BBS9: variants seen among roughly 807,000 people sequenced by gnomAD.
The protein encoded by BBS9 is Bardet-Biedl syndrome 9.
A neutral mutation model predicts 117.7 loss-of-function variants in BBS9; 89 were observed. The observed-to-expected ratio is 0.76, with a 90% CI of 0.64 to 0.90. BBS9 has a LOEUF of 0.90. Among genes scored for constraint, BBS9 ranks in the 40% least tolerant of loss-of-function variants. The pLI is 0.00. For missense variants in BBS9, 982 were observed against 1,042.2 expected (o/e 0.94, Z 0.80); for synonymous variants, 379 against 370.9 (o/e 1.02, Z -0.25).
chr7:33,311,360 T>G (rs1348827605), intron 9 of BBS9, among the ~76,000 whole-genome samples: 3 of 152,184 alleles, frequency 2.0e-5, no homozygotes, highest in Non-Finnish European at 4.4e-5. Context: ...ATTTGCATTT[T>G]ATAGAAGGCT....
chr7:33,608,869 C>A (rs1485298268), downstream of BBS9, among the ~76,000 whole-genome samples: 1 of 129,044 alleles, frequency 7.7e-6, no homozygotes, highest in Non-Finnish European at 1.5e-5. Flanking sequence ...TAATTAGGTC[C>A]TACTTATCAA....
At chr7:33,524,440 T>G (rs1274740046) in intron 20 of BBS9, among the ~76,000 whole-genome samples, 4 of 152,158 alleles carry the variant, frequency 2.6e-5, no homozygotes, top group Non-Finnish European at 5.9e-5. Context: ...TGTTATTGGT[T>G]TATTCAGAGA....
chr7:33,402,293 C>T (rs1584672310), intron 19 of BBS9, among the ~76,000 whole-genome samples: 1 of 152,280 alleles, frequency 6.6e-6, no homozygotes, highest in African/African-American at 2.4e-5. Flanking sequence ...AATCTCATCT[C>T]CTATTTCTGC....
chr7:33,316,167 G>C (rs1268925003), intron 9 of BBS9, among the ~76,000 whole-genome samples: 1 of 152,028 alleles, frequency 6.6e-6, no homozygotes, highest in African/African-American at 2.4e-5. Context: ...TTTCACAATA[G>C]GTTTAAGTTG....
At chr7:33,315,466 C>T (rs373968450) in intron 9 of BBS9, among the ~76,000 whole-genome samples, 6 of 152,264 alleles carry the variant, frequency 3.9e-5, no homozygotes, top group African/African-American at 4.8e-5. Flanking sequence ...CAAAGTCAGT[C>T]CAGATTCAAG....
At chr7:33,504,357 C>G (rs961685853) in intron 19 of BBS9, among the ~76,000 whole-genome samples, 6 of 152,198 alleles carry the variant, frequency 3.9e-5, no homozygotes, top group African/African-American at 1.4e-4. Context: ...CCGAGACACT[C>G]TGAGGGCTGT....
At chr7:33,195,055 A>G (rs905304766) in intron 5 of BBS9, among the ~76,000 whole-genome samples, 1 of 152,162 alleles carries the variant, frequency 6.6e-6, no homozygotes, top group Admixed American at 6.5e-5. Flanking sequence ...TTCCTAATAT[A>G]GTAACTGTTA....
intron 9 of BBS9, among the ~76,000 whole-genome samples, chr7:33,322,050 A>G (rs1315551032): frequency 6.6e-6 from 1 of 151,978 alleles, no homozygotes; most frequent in East Asian, 1.9e-4. Flanking sequence ...GTTGAACTAT[A>G]CCAGCATCCT....
chr7:33,159,348 T>C (rs1034542855), intron 4 of BBS9, among the ~76,000 whole-genome samples: 5 of 152,182 alleles, frequency 3.3e-5, no homozygotes, highest in African/African-American at 1.2e-4. Context: ...GAATTTAGTT[T>C]ATTTTTTGTA....
chr7:33,495,140 T>C (rs1844538925), intron 19 of BBS9, among the ~76,000 whole-genome samples: 1 of 152,228 alleles, frequency 6.6e-6, no homozygotes, highest in African/African-American at 2.4e-5. Flanking sequence ...TTTCACTCTA[T>C]TGTGAAAATG....
intron 21 of BBS9, among the ~76,000 whole-genome samples, chr7:33,597,177 A>T (rs549698484): frequency 6.6e-6 from 1 of 152,092 alleles, no homozygotes; most frequent in Non-Finnish European, 1.5e-5. Flanking sequence ...TTCATATTTA[A>T]GATAGTGCGA....
At chr7:33,168,269 T>C (rs1022423090) in intron 4 of BBS9, among the ~76,000 whole-genome samples, 5 of 152,160 alleles carry the variant, frequency 3.3e-5, no homozygotes, top group African/African-American at 1.2e-4. Flanking sequence ...TTGACCAAGA[T>C]AGGATCACAG....
At chr7:33,572,060 T>C (rs1310124392) in intron 21 of BBS9, among the ~76,000 whole-genome samples, 1 of 152,072 alleles carries the variant, frequency 6.6e-6, no homozygotes, top group Non-Finnish European at 1.5e-5. Flanking sequence ...TATTTTTGTA[T>C]TTACTATCCA....
chr7:33,140,100 A>G (rs904897038), intron 1 of BBS9, among the ~76,000 whole-genome samples: 3 of 151,962 alleles, frequency 2.0e-5, no homozygotes, highest in African/African-American at 4.8e-5. Flanking sequence ...ATCTTGGCTC[A>G]CTGCAAGCTC....
At chr7:33,426,509 C>T (rs1162220276) in intron 19 of BBS9, among the ~76,000 whole-genome samples, 1 of 152,080 alleles carries the variant, frequency 6.6e-6, no homozygotes, top group African/African-American at 2.4e-5. Context: ...TATAAACTCT[C>T]CCCAGATTTC....
Position 33,437,518 on chromosome 7 carries a change from T to C in BBS9, c.2115+49374T>C, listed in dbSNP as rs74320483. 0.018 allele frequency among the ~76,000 whole-genome samples: 2,739 copies of C among 152,298 alleles called. 201 individuals carry two copies. The East Asian group carries it at 0.26, about 15-fold the overall frequency. ...CCTGGAAATACAGATTGATTTATAT[T>C]GAAGATTACTACTACACAAGAAGTC... On this transcript the variant is annotated intron_variant, in intron 19 of 22. Transcript: ENST00000242067.
chr7:33,166,975 G>C (rs910272698), intron 4 of BBS9, among the ~76,000 whole-genome samples: 1 of 152,196 alleles, frequency 6.6e-6, no homozygotes, highest in Non-Finnish European at 1.5e-5. Context: ...AGTCACGCTG[G>C]GAGCTGCAGA....
intron 9 of BBS9, among the ~76,000 whole-genome samples, chr7:33,326,326 A>C (rs1352646430): frequency 6.9e-6 from 1 of 144,732 alleles, no homozygotes; most frequent in Non-Finnish European, 1.5e-5. Context: ...GCTGATGTTC[A>C]CTCAAGCCCC....
At chr7:33,224,558 G>C (rs1166213181) in intron 5 of BBS9, among the ~76,000 whole-genome samples, 2 of 152,172 alleles carry the variant, frequency 1.3e-5, no homozygotes, top group Non-Finnish European at 2.9e-5. Context: ...TATGTTAATA[G>C]ATTAACAATA....
Sources: allele counts gnomAD v4.1 joint callset (sites outside exome capture counted in the v4.1 genomes callset), GRCh38; gene constraint gnomAD v4.1.1; transcripts MANE v1.5; gene names NCBI Gene and HGNC (gene_info 2026-07-23, HGNC 2026-07-21).